Variants in MAGED1 observed in about 807,000 individuals in gnomAD.
The protein encoded by MAGED1 is melanoma-associated antigen D1.
A neutral mutation model predicts 54.1 loss-of-function variants in MAGED1; 3 were observed. The ratio of observed to expected loss-of-function variants is 0.06; its 90% CI spans 0.03 to 0.14. The LOEUF is 0.14. Among genes scored for constraint, MAGED1 ranks in the 10% least tolerant of loss-of-function variants. The pLI is 1.00. For missense variants in MAGED1, 485 were observed against 623.4 expected, an observed-to-expected ratio of 0.78 and a Z score of 2.36; for synonymous variants, 217 against 227.3, an observed-to-expected ratio of 0.95 and a Z score of 0.41.
Position 51,842,578 on chromosome X carries a change from C to T in MAGED1, c.-37+39461C>T, listed in dbSNP as rs184789777. On this transcript the variant is annotated intron_variant, in intron 1 of 12. Coordinates refer to the MAGED1 transcript ENST00000375772. ...GAGGTCAGGCTATCAGAAGCTCATACAGCTGTAGACACTTTAAAGACATCA... is the reference window on the plus strand; with the variant it reads ...GAGGTCAGGCTATCAGAAGCTCATATAGCTGTAGACACTTTAAAGACATCA... Among the ~76,000 whole-genome samples the T allele has an allele frequency of 3.6e-5, 4 of 111,871 alleles. No homozygotes were observed. In the East Asian group the frequency reaches 1.1e-3, roughly 31 times the overall value.
chrX:51,893,227 A>G (rs1431044879), upstream of MAGED1, among the ~76,000 whole-genome samples: 2 of 110,422 alleles, frequency 1.8e-5, no homozygotes, highest in African/African-American at 6.6e-5. Flanking sequence ...CCCCAAACAG[A>G]GACCTAAGCA....
intron 2 of MAGED1, chrX:51,894,633 G>T (rs1928621449): frequency 8.4e-7 from 1 of 1,189,735 alleles, no homozygotes; most frequent in South Asian, 1.9e-5. Context: ...CCAGAATCCT[G>T]ACGCTTGTAG....
At chrX:51,861,174 T>C (rs1183340911) in intron 1 of MAGED1, among the ~76,000 whole-genome samples, 1 of 111,899 alleles carries the variant, frequency 8.9e-6, no homozygotes, top group African/African-American at 3.2e-5. Context: ...TTAATTTTAG[T>C]ACATCTCAAC....
chrX:51,890,650 TAAA>T, upstream of MAGED1, among the ~76,000 whole-genome samples: 1 of 111,310 alleles, frequency 9.0e-6, no homozygotes, highest in Middle Eastern at 4.7e-3. Flanking sequence ...TAACGCTATA[TAAA>T]GAACTCCTAA....
chrX:51,864,258 A>T (rs1927385391), intron 1 of MAGED1, among the ~76,000 whole-genome samples: 1 of 110,392 alleles, frequency 9.1e-6, no homozygotes, highest in African/African-American at 3.3e-5. Context: ...ATGGACATTC[A>T]GTTTTTCCAA....
chrX:51,809,428 C>CT (rs1925144843), intron 1 of MAGED1, among the ~76,000 whole-genome samples: 1 of 111,738 alleles, frequency 8.9e-6, no homozygotes, highest in Non-Finnish European at 1.9e-5. Flanking sequence ...CCTTAGTCTC[C>CT]TTTTTGAAAG....
intron 1 of MAGED1, chrX:51,856,892 A>G (rs782600942): frequency 3.2e-4 from 36 of 111,815 alleles, no homozygotes; most frequent in African/African-American, 1.1e-3. Flanking sequence ...GATGCATATT[A>G]TATATGGGAA....
chrX:51,868,848 G>A (rs1164972764), intron 1 of MAGED1, among the ~76,000 whole-genome samples: 7 of 111,642 alleles, frequency 6.3e-5, no homozygotes, highest in Non-Finnish European at 1.3e-4. Context: ...GTGTGCTGGG[G>A]AAAATGAGAA....
At chrX:51,891,066 A>G (rs1376681222), upstream of MAGED1, among the ~76,000 whole-genome samples, 1 of 112,506 alleles carries the variant, frequency 8.9e-6, no homozygotes, top group African/African-American at 3.2e-5. Context: ...TTACCATGGA[A>G]TATTATGCAG....
At chrX:51,814,985 A>G (rs781955239) in intron 1 of MAGED1, among the ~76,000 whole-genome samples, 7 of 106,558 alleles carry the variant, frequency 6.6e-5, no homozygotes, top group East Asian at 5.9e-4. Flanking sequence ...AAAAAAAAAA[A>G]AAAAGAAATT....
rs1557364472 is a variant in MAGED1 at position 51,897,597 on chromosome X, A to G, written c.1537A>G (p.Ile513Val). 1 of 1,208,122 alleles carries G rather than the reference A, an allele frequency of 8.3e-7. No homozygotes were observed. ...REYTDVYPEI[I>V]ERACFVLEKK... The stretch of plus-strand genomic sequence containing the variant: ...ATACACTGATGTTTATCCAGAAATC[A>G]TTGAACGTGCATGCTTTGTCCTAGA... The change falls in exon 6 of 13, where the codon ATT becomes GTT. Residue 513 changes from isoleucine (I) to valine (V), a missense_variant. Coordinates refer to ENST00000326587, the MANE Select transcript of MAGED1 (RefSeq NM_006986.4).
intron 1 of MAGED1, among the ~76,000 whole-genome samples, chrX:51,866,348 G>A (rs1163090393): frequency 2.7e-5 from 3 of 112,017 alleles, no homozygotes; most frequent in African/African-American, 9.8e-5. Context: ...ACTATGTGCA[G>A]ATATGAATGG....
upstream of MAGED1, among the ~76,000 whole-genome samples, chrX:51,893,126 T>G (rs1286457703): frequency 9.0e-6 from 1 of 110,500 alleles, no homozygotes; most frequent in Non-Finnish European, 1.9e-5. Flanking sequence ...AGCCACAGAC[T>G]TACTACTACT....
At position 51,870,041 on chromosome X, in the gene MAGED1, C is replaced by G. The variant is rs1282431243; in HGVS notation, c.-36-24228C>G. 2.7e-5 allele frequency among the ~76,000 whole-genome samples: 3 copies of G among 110,986 alleles called. No homozygotes were observed. In the Admixed American group the frequency reaches 2.9e-4, roughly 11 times the overall value. ...GTGAGCCACCGTGCTGGGCTAGGAT[C>G]TCCATTTTTAGACACTTTATCTCAG... On this transcript the variant is annotated intron_variant, in intron 1 of 12. Coordinates refer to the MAGED1 transcript ENST00000375772.
intron 11 of MAGED1, 46 bp from the exon 12 acceptor site, chrX:51,901,507 G>A: frequency 9.1e-7 from 1 of 1,104,730 alleles, no homozygotes; most frequent in Non-Finnish European, 1.2e-6. Context: ...TCCATATCTT[G>A]GCTATTGTAA....
chrX:51,831,993 A>G (rs1926084869), intron 1 of MAGED1, among the ~76,000 whole-genome samples: 1 of 112,013 alleles, frequency 8.9e-6, no homozygotes, highest in Admixed American at 9.5e-5. Flanking sequence ...TGTGTTAGGA[A>G]CATTCCAATT....
intron 1 of MAGED1, among the ~76,000 whole-genome samples, chrX:51,880,689 G>C (rs1928021451): frequency 9.0e-6 from 1 of 111,488 alleles, no homozygotes; most frequent in African/African-American, 3.3e-5. Context: ...GCCAGAGTGA[G>C]ATGTGAGAAA....
intron 1 of MAGED1, among the ~76,000 whole-genome samples, chrX:51,845,755 T>C (rs990552901): frequency 9.0e-6 from 1 of 111,325 alleles, no homozygotes; most frequent in Non-Finnish European, 1.9e-5. Flanking sequence ...ATATTTTCTA[T>C]GTGGATCTGA....
upstream of MAGED1, among the ~76,000 whole-genome samples, chrX:51,889,884 T>G (rs191240926): frequency 8.9e-6 from 1 of 112,162 alleles, no homozygotes; most frequent in Non-Finnish European, 1.9e-5. Flanking sequence ...TCAGCAGGTC[T>G]GCAATGTTCA....
Sources: allele counts gnomAD v4.1 joint callset (sites outside exome capture counted in the v4.1 genomes callset), GRCh38; gene constraint gnomAD v4.1.1; transcripts MANE v1.5; gene names NCBI Gene and HGNC (gene_info 2026-07-23, HGNC 2026-07-21).